Variants in PANX1 observed in about 807,000 individuals in gnomAD.
PANX1 encodes pannexin-1.
A neutral mutation model predicts 38.7 loss-of-function variants in PANX1; 30 were observed. The ratio of observed to expected loss-of-function variants is 0.78; its 90% CI spans 0.58 to 1.05. The LOEUF (loss-of-function observed/expected upper bound fraction) is 1.05. PANX1 is among the 50% of genes least tolerant of loss of function. The pLI is 0.00. For missense variants in PANX1, 551 were observed against 517.2 expected (o/e 1.07, Z -0.63); for synonymous variants, 230 against 212.2 (o/e 1.08, Z -0.73).
intron 1 of PANX1, among the ~76,000 whole-genome samples, chr11:94,136,380 G>A (rs1946690621): frequency 6.6e-6 from 1 of 152,198 alleles, no homozygotes; most frequent in South Asian, 2.1e-4. Flanking sequence ...AACACTGTAA[G>A]TTTCCTTCCT....
At position 94,179,800 on chromosome 11, in the gene PANX1, C is replaced by CA; in HGVS notation, c.747dup (p.Ser250IlefsTer31). The CA allele has an allele frequency of 6.2e-7, 1 of 1,614,122 alleles. No individual in the cohort carries two copies. The highest frequency in any genetic ancestry group is 8.5e-7 in the Non-Finnish European group (1 of 1,180,008). ...TCTCAGACGAGTTTGTGTGCAGCAT[C>CA]AAATCAGGGATCCTGAGAAACGACA... On this transcript the variant is annotated frameshift_variant, in exon 4 of 5. Transcript: ENST00000227638. LOFTEE classifies it high-confidence loss of function.
At chr11:94,170,726 G>A (rs1947155811) in intron 2 of PANX1, among the ~76,000 whole-genome samples, 2 of 151,734 alleles carry the variant, frequency 1.3e-5, no homozygotes, top group Non-Finnish European at 1.5e-5. Flanking sequence ...TGGCAGGTGA[G>A]CCCACATCCT....
At chr11:94,175,664 C>T (rs1371970083) in intron 2 of PANX1, 33 of 805,214 alleles carry the variant, frequency 4.1e-5, no homozygotes, top group Non-Finnish European at 4.9e-5. Context: ...AGCAGAAACT[C>T]TGTGTCATGC....
intron 1 of PANX1, among the ~76,000 whole-genome samples, chr11:94,141,774 C>G (rs917193738): frequency 6.6e-6 from 1 of 152,072 alleles, no homozygotes; most frequent in African/African-American, 2.4e-5. Flanking sequence ...ACTGTGAGAC[C>G]TTGGACAAGT....
chr11:94,163,365 G>T (rs772694457), intron 2 of PANX1, among the ~76,000 whole-genome samples: 4 of 152,198 alleles, frequency 2.6e-5, no homozygotes, highest in East Asian at 1.9e-4. Flanking sequence ...TGGGTTTGTT[G>T]TAAGTCTTCT....
At chr11:94,152,816 G>C (rs1946898477) in intron 1 of PANX1, among the ~76,000 whole-genome samples, 1 of 152,184 alleles carries the variant, frequency 6.6e-6, no homozygotes, top group Non-Finnish European at 1.5e-5. Flanking sequence ...CTTCCCAGAA[G>C]AGCGAGTGAA....
chr11:94,153,975 A>G (rs933769650), intron 2 of PANX1, among the ~76,000 whole-genome samples: 2 of 152,230 alleles, frequency 1.3e-5, no homozygotes, highest in Admixed American at 1.3e-4. Context: ...ATAGCTAGAC[A>G]GTGGCAGAGC....
intron 3 of PANX1, 96 bp downstream of exon 3, chr11:94,178,688 G>GTTCTCATT: frequency 2.2e-6 from 2 of 930,002 alleles, no homozygotes; most frequent in East Asian, 5.2e-5. Flanking sequence ...ATTGCTAGGA[G>GTTCTCATT]GCGGGGCAGG....
intron 1 of PANX1, among the ~76,000 whole-genome samples, chr11:94,147,925 G>A (rs1455973889): frequency 3.3e-5 from 5 of 152,134 alleles, no homozygotes; most frequent in African/African-American, 1.2e-4. Context: ...GGGGCTTCTT[G>A]TAATTCATTT....
intron 1 of PANX1, among the ~76,000 whole-genome samples, chr11:94,143,567 TAAG>T (rs1346071942): frequency 7.9e-5 from 12 of 152,096 alleles, no homozygotes; most frequent in Non-Finnish European, 1.3e-4. Flanking sequence ...GTTTTACTAA[TAAG>T]AAAACCTCAG....
Position 94,180,177 on chromosome 11 carries a change from A to G in PANX1, c.1121A>G (p.Lys374Arg), listed in dbSNP as rs752612836. Residue 374 changes from lysine (K) to arginine (R), a missense_variant, in exon 4 of 5, where the codon AAG becomes AGG. Transcript: ENST00000227638. ...MLLLTNLGMIKMDVVDGKTPM... is the reference protein window; with the variant it reads ...MLLLTNLGMIRMDVVDGKTPM... ...CTCCTGACAAACCTTGGCATGATCA[A>G]GATGGATGTTGTTGATGGCAAAACT... The G allele has an allele frequency of 2.5e-6, 4 of 1,614,004 alleles. No homozygotes were observed. The African/African-American group carries it at 5.3e-5, about 22-fold the overall frequency.
At position 94,147,070 on chromosome 11, in the gene PANX1, C is replaced by G. The variant is rs149345590; in HGVS notation, c.182-6421C>G. Among the ~76,000 whole-genome samples the G allele has an allele frequency of 2.2e-3, 333 of 152,200 alleles. 3 individuals carry two copies. The highest frequency in any genetic ancestry group is 6.7e-3 in the African/African-American group (278 of 41,520). ...GAGGGTGTATGGCAGAGTGTTAACA[C>G]TGGTTGAATCTAAGTGCTGGGTATA... On this transcript the variant is annotated intron_variant, in intron 1 of 4. Transcript: ENST00000227638.
intron 1 of PANX1, among the ~76,000 whole-genome samples, chr11:94,145,720 A>G (rs1946821772): frequency 6.6e-6 from 1 of 152,260 alleles, no homozygotes; most frequent in Non-Finnish European, 1.5e-5. Flanking sequence ...GTTTAAAACA[A>G]AAATCAGAAA....
chr11:94,177,116 A>G (rs1947243713), intron 2 of PANX1, among the ~76,000 whole-genome samples: 1 of 150,032 alleles, frequency 6.7e-6, no homozygotes, highest in Non-Finnish European at 1.5e-5. Context: ...GACTTTGAAA[A>G]CTAACCAGAT....
rs564387652 is a variant in PANX1, at chr11:94,161,219, C to T, written c.321+7589C>T. ...TTATGTGTCTTGGAGTTGCTCTTCT[C>T]GAGGAGTATCTTTGTGGCGTTCTCT... On this transcript the variant is annotated intron_variant, in intron 2 of 4. Transcript: ENST00000227638. Among the ~76,000 whole-genome samples the T allele has an allele frequency of 6.3e-3, 963 of 152,122 alleles. 9 individuals are homozygous for T. Among genetic ancestry groups the T allele is most frequent in the African/African-American group, 0.021 (880 of 41,474 alleles).
rs56888579 is a variant in PANX1, at chr11:94,131,860, C to CA, written c.181+2375dup. ...AGTATGCACTCAGCCAAAAACAAAC[C>CA]AAAAAAAAGAACAGCAATAAAGGGA... On this transcript the variant is annotated intron_variant, in intron 1 of 4. Coordinates refer to ENST00000227638, the MANE Select transcript of PANX1 (RefSeq NM_015368.4). 4.4e-3 allele frequency among the ~76,000 whole-genome samples: 668 copies of CA among 151,396 alleles called. 5 individuals carry two copies. The highest frequency in any genetic ancestry group is 0.015 in the African/African-American group (617 of 41,246).
intron 1 of PANX1, 27 bp from the exon 2 acceptor site, chr11:94,153,464 T>C: frequency 3.7e-6 from 6 of 1,612,104 alleles, no homozygotes; most frequent in South Asian, 3.3e-5. Flanking sequence ...TGTGTTTTCA[T>C]TGGAAACTAT....
intron 1 of PANX1, among the ~76,000 whole-genome samples, chr11:94,143,679 A>C (rs766849139): frequency 6.6e-6 from 1 of 152,178 alleles, no homozygotes; most frequent in Non-Finnish European, 1.5e-5. Context: ...TAAAGACTCC[A>C]GAGAACCTCT....
At chr11:94,169,884 G>A (rs1284493512) in intron 2 of PANX1, among the ~76,000 whole-genome samples, 1 of 151,610 alleles carries the variant, frequency 6.6e-6, no homozygotes, top group Non-Finnish European at 1.5e-5. Context: ...TGTGGGATTT[G>A]GTTGGTAATG....
Sources: gnomAD v4.1 joint callset for allele counts (sites outside exome capture counted in the v4.1 genomes callset) on GRCh38, gnomAD v4.1.1 for gene constraint, MANE v1.5 for transcripts, NCBI Gene and HGNC (gene_info 2026-07-23, HGNC 2026-07-21) for gene names.